The following CDH9 variants were observed in gnomAD, a reference collection of about 807,000 sequenced individuals.
CDH9 encodes the protein cadherin-9.
CDH9 carries 28 observed loss-of-function variants against 70.9 expected under a neutral mutation model. The ratio of observed to expected loss-of-function variants is 0.40; its 90% CI spans 0.29 to 0.54. CDH9 has a LOEUF of 0.54. Among genes scored for constraint, CDH9 ranks in the 20% least tolerant of loss-of-function variants. The pLI, the probability that CDH9 is intolerant of heterozygous loss-of-function variation, is 0.59. For synonymous variants in CDH9, 409 were observed against 343.1 expected, an observed-to-expected ratio of 1.19 and a Z score of -2.12; for missense variants, 874 against 984.4, an observed-to-expected ratio of 0.89 and a Z score of 1.50.
At chr5:26,936,056 T>G (rs1400985194) in intron 2 of CDH9, among the ~76,000 whole-genome samples, 1 of 151,794 alleles carries the variant, frequency 6.6e-6, no homozygotes, top group East Asian at 1.9e-4. Flanking sequence ...TATAAGGATG[T>G]GAAGGCGTGA....
intron 1 of CDH9, among the ~76,000 whole-genome samples, chr5:26,995,946 C>T (rs1742658358): frequency 6.6e-6 from 1 of 151,922 alleles, no homozygotes; most frequent in Non-Finnish European, 1.5e-5. Flanking sequence ...TTCCTTTGCT[C>T]TCTTAATTAT....
intron 2 of CDH9, among the ~76,000 whole-genome samples, chr5:26,969,426 T>G (rs1052245488): frequency 9.9e-5 from 15 of 152,114 alleles, no homozygotes; most frequent in Admixed American, 2.6e-4. Flanking sequence ...TTATTGTCAT[T>G]GTGAGTGAAG....
intron 11 of CDH9, among the ~76,000 whole-genome samples, 171 bp downstream of exon 11, chr5:26,885,443 T>TC (rs1377056915): frequency 6.6e-6 from 1 of 152,160 alleles, no homozygotes; most frequent in Non-Finnish European, 1.5e-5. Flanking sequence ...GCTGGGCCTA[T>TC]CCCCACACAC....
At chr5:26,983,361 T>C (rs962076442) in intron 2 of CDH9, among the ~76,000 whole-genome samples, 1 of 152,176 alleles carries the variant, frequency 6.6e-6, no homozygotes, top group African/African-American at 2.4e-5. Flanking sequence ...GAGAATGGGA[T>C]TATTCAAGAG....
intron 2 of CDH9, among the ~76,000 whole-genome samples, chr5:26,943,385 T>A (rs1174271307): frequency 6.6e-6 from 1 of 151,948 alleles, no homozygotes; most frequent in East Asian, 1.9e-4. Flanking sequence ...TGGTGGCTTG[T>A]GCCTGTAATT....
At chr5:27,024,973 A>G (rs1163014565) in intron 1 of CDH9, among the ~76,000 whole-genome samples, 1 of 152,122 alleles carries the variant, frequency 6.6e-6, no homozygotes, top group East Asian at 1.9e-4. Flanking sequence ...TAGTTAAGCA[A>G]TGCAGAAAAA....
At chr5:26,917,987 T>G (rs931795655) in intron 2 of CDH9, among the ~76,000 whole-genome samples, 4 of 152,198 alleles carry the variant, frequency 2.6e-5, no homozygotes, top group Non-Finnish European at 5.9e-5. Flanking sequence ...AAGTTTATTT[T>G]ATTGAAAAAA....
intron 3 of CDH9, among the ~76,000 whole-genome samples, chr5:26,910,489 C>G (rs1430308747): frequency 6.6e-6 from 1 of 152,130 alleles, no homozygotes; most frequent in Admixed American, 6.6e-5. Context: ...TAAAAGCTTT[C>G]TCTCTCTCAC....
At chr5:26,983,008 A>G (rs1742426838) in intron 2 of CDH9, among the ~76,000 whole-genome samples, 1 of 152,080 alleles carries the variant, frequency 6.6e-6, no homozygotes, top group African/African-American at 2.4e-5. Flanking sequence ...TTAAGAGATG[A>G]TCTCATAGTT....
At chr5:26,929,001 T>G (rs180990782) in intron 2 of CDH9, among the ~76,000 whole-genome samples, 2 of 151,990 alleles carry the variant, frequency 1.3e-5, no homozygotes, top group African/African-American at 4.8e-5. Flanking sequence ...TGGGACTATA[T>G]CAAGTTAAAA....
At chr5:26,922,773 T>C (rs572675340) in intron 2 of CDH9, among the ~76,000 whole-genome samples, 40 of 151,680 alleles carry the variant, frequency 2.6e-4, no homozygotes, top group African/African-American at 8.9e-4. Flanking sequence ...AAACAACCAA[T>C]TAAAAATAAC....
intron 2 of CDH9, among the ~76,000 whole-genome samples, chr5:26,945,738 A>G (rs1269082809): frequency 2.0e-5 from 3 of 152,188 alleles, no homozygotes; most frequent in Admixed American, 6.5e-5. Context: ...GTTTAGATCA[A>G]AAACTCTGAA....
At chr5:26,991,685 G>A (rs1579499089) in intron 1 of CDH9, among the ~76,000 whole-genome samples, 1 of 152,118 alleles carries the variant, frequency 6.6e-6, no homozygotes, top group African/African-American at 2.4e-5. Flanking sequence ...ATATTTACAA[G>A]AGTAGATAAT....
intron 4 of CDH9, 66 bp downstream of exon 4, chr5:26,906,653 C>A (rs1740953801): frequency 1.3e-6 from 2 of 1,534,900 alleles, no homozygotes; most frequent in East Asian, 2.4e-5. Context: ...TTTTAAAAAT[C>A]TCTAAATTAA....
At chr5:26,948,466 C>T (rs2112043878) in intron 2 of CDH9, among the ~76,000 whole-genome samples, 1 of 152,302 alleles carries the variant, frequency 6.6e-6, no homozygotes, top group South Asian at 2.1e-4. Context: ...TGGCACATAG[C>T]ACATATCACA....
At chr5:26,986,398 A>C (rs2112089733) in intron 2 of CDH9, among the ~76,000 whole-genome samples, 1 of 152,242 alleles carries the variant, frequency 6.6e-6, no homozygotes, top group South Asian at 2.1e-4. Flanking sequence ...TGTTTATGAC[A>C]GATTATGGAA....
At chr5:26,998,111 C>T (rs564744296) in intron 1 of CDH9, among the ~76,000 whole-genome samples, 1 of 152,078 alleles carries the variant, frequency 6.6e-6, no homozygotes, top group African/African-American at 2.4e-5. Flanking sequence ...CATTCCACAC[C>T]CAGCATATAA....
chr5:26,934,063 A>G (rs1351750134), intron 2 of CDH9, among the ~76,000 whole-genome samples: 1 of 152,158 alleles, frequency 6.6e-6, no homozygotes, highest in Non-Finnish European at 1.5e-5. Context: ...GCTACCACTA[A>G]TGGCAGAAGG....
intron 1 of CDH9, among the ~76,000 whole-genome samples, chr5:27,001,103 T>A (rs1247300088): frequency 6.6e-6 from 1 of 152,100 alleles, no homozygotes; most frequent in Non-Finnish European, 1.5e-5. Flanking sequence ...GAATGAACCT[T>A]AATGTATACA....
Sources: gnomAD v4.1 joint callset for allele counts (sites outside exome capture counted in the v4.1 genomes callset) on GRCh38, gnomAD v4.1.1 for gene constraint, MANE v1.5 for transcripts, NCBI Gene and HGNC (gene_info 2026-07-23, HGNC 2026-07-21) for gene names.